The following RSAD2 variants were observed in gnomAD, a reference collection of about 807,000 sequenced individuals.
RSAD2 encodes the protein radical S-adenosyl methionine domain containing 2.
In RSAD2, 38 loss-of-function variants were observed where a neutral mutation model predicts 37.7. That is an observed-to-expected ratio of 1.01 (90% confidence interval 0.78 to 1.32). RSAD2 has a LOEUF of 1.32. Ranked by LOEUF, RSAD2 falls within the 40% of genes most tolerant of loss-of-function variation. The probability of loss-of-function intolerance (pLI) is 0.00; values close to 1 mark genes in which losing one functional copy is unlikely to be tolerated. For synonymous variants in RSAD2, 163 were observed against 157.4 expected (o/e 1.04, Z -0.27); for missense variants, 428 against 437.5 (o/e 0.98, Z 0.19).
At chr2:6,881,135 G>A (rs181382076) in intron 1 of RSAD2, among the ~76,000 whole-genome samples, 1 of 152,254 alleles carries the variant, frequency 6.6e-6, no homozygotes, top group East Asian at 1.9e-4. Context: ...CCACTGGCCA[G>A]GACCCTGTCT....
chr2:6,867,535 C>G (rs1489071470), intron 1 of RSAD2, among the ~76,000 whole-genome samples: 2 of 152,146 alleles, frequency 1.3e-5, no homozygotes, highest in Non-Finnish European at 2.9e-5. Flanking sequence ...GGGGCTAGGC[C>G]TGAGCATGAA....
At chr2:6,873,307 G>A (rs374557178), upstream of RSAD2, among the ~76,000 whole-genome samples, 6 of 152,106 alleles carry the variant, frequency 3.9e-5, no homozygotes, top group Admixed American at 6.6e-5. Context: ...CATGTTCAAC[G>A]TACTAGTTTT....
chr2:6,886,252 T>A (rs1663517611), intron 2 of RSAD2, among the ~76,000 whole-genome samples: 1 of 152,332 alleles, frequency 6.6e-6, no homozygotes, highest in East Asian at 1.9e-4. Context: ...GAAACTAGTG[T>A]GACAGAAACC....
At position 6,866,548 on chromosome 2, in the gene RSAD2, T is replaced by G. The variant is rs1302116470; in HGVS notation, c.142+503T>G. 4.7e-6 allele frequency: 4 copies of G among 857,880 alleles called. No homozygotes were observed. The African/African-American group carries it at 7.2e-5, about 16-fold the overall frequency. 53.1% of individuals were successfully genotyped at this position (857,880 alleles called of 1,614,324 possible). A position where few individuals can be genotyped will look rare whatever the true frequency, so the allele number is the denominator to read the frequency against. ...TTTCTTCCACCAAATTGAAGTTTCC[T>G]GCACTAAGGTGAAGTGTGTCAGGAT... On this transcript the variant is annotated intron_variant, in intron 1 of 5. Transcript: ENST00000442639.
upstream of RSAD2, among the ~76,000 whole-genome samples, chr2:6,874,050 G>A (rs2103236768): frequency 6.6e-6 from 1 of 152,312 alleles, no homozygotes; most frequent in Non-Finnish European, 1.5e-5. Context: ...GAATGGCTTA[G>A]TACTGTCAAC....
chr2:6,895,861 C>G lies in RSAD2; in HGVS notation c.1005C>G (p.Phe335Leu). The G allele has an allele frequency of 6.2e-7, 1 of 1,614,108 alleles. No individual in the cohort carries two copies. The highest frequency in any genetic ancestry group is 8.5e-7 in the Non-Finnish European group (1 of 1,179,980). The part of the protein sequence containing the change: ...LDVGVEEAIK[F>L]SGFDEKMFLK... ...TTGGTGTAGAAGAAGCTATAAAATT[C>G]AGTGGATTTGATGAAAAGATGTTTC... Residue 335 changes from phenylalanine to leucine, a missense_variant, in exon 6 of 6, where the codon TTC becomes TTG. Physicochemically the swap from Phe to Leu is conservative, Grantham distance 22 (BLOSUM62 0). Coordinates refer to ENST00000382040, the MANE Select transcript of RSAD2 (RefSeq NM_080657.5).
At chr2:6,875,578 G>A (rs1034501378), upstream of RSAD2, among the ~76,000 whole-genome samples, 1 of 152,064 alleles carries the variant, frequency 6.6e-6, no homozygotes, top group East Asian at 1.9e-4. Context: ...TTTTTCCTTT[G>A]GGCTTCCATA....
intron 2 of RSAD2, among the ~76,000 whole-genome samples, chr2:6,884,348 G>A (rs1242334207): frequency 2.0e-5 from 3 of 152,190 alleles, no homozygotes; most frequent in Non-Finnish European, 2.9e-5. Context: ...AAGAGTCAAG[G>A]TGTCAGATGC....
At chr2:6,875,303 C>T (rs1330374251), upstream of RSAD2, among the ~76,000 whole-genome samples, 1 of 152,198 alleles carries the variant, frequency 6.6e-6, no homozygotes, top group Non-Finnish European at 1.5e-5. Flanking sequence ...AGCCCTCTTC[C>T]CTCAAGCAAA....
chr2:6,868,013 A>G (rs1464606200), intron 1 of RSAD2, among the ~76,000 whole-genome samples: 2 of 152,222 alleles, frequency 1.3e-5, no homozygotes, highest in African/African-American at 4.8e-5. Context: ...TATATTGACT[A>G]AACATGCCTG....
intron 1 of RSAD2, among the ~76,000 whole-genome samples, chr2:6,882,147 C>G (rs550280853): frequency 6.6e-6 from 1 of 152,322 alleles, no homozygotes; most frequent in African/African-American, 2.4e-5. Context: ...CAGCCCCTCC[C>G]TTCATCACAG....
chr2:6,889,395 G>C (rs974625840), intron 3 of RSAD2, among the ~76,000 whole-genome samples: 9 of 152,194 alleles, frequency 5.9e-5, no homozygotes, highest in African/African-American at 1.9e-4. Flanking sequence ...GAAAAATAAA[G>C]AGTGAGCAAA....
exon 1 of RSAD2, chr2:6,865,978 C>T: frequency 1.1e-6 from 1 of 942,276 alleles, no homozygotes; most frequent in Non-Finnish European, 1.4e-6. Context: ...CTCCGCGGGC[C>T]TGCGCGGTCC....
At chr2:6,865,943 T>C (rs1572147749) in exon 1 of RSAD2, 1 of 1,314,480 alleles carries the variant, frequency 7.6e-7, no homozygotes, top group Non-Finnish European at 9.9e-7. Context: ...AGCAGACGCT[T>C]GGCCCCGGGG....
chr2:6,877,937 G>A lies in RSAD2; in HGVS notation c.137G>A (p.Arg46Lys), dbSNP rs140246763. 19 of 1,614,012 alleles carry A rather than the reference G, an allele frequency of 1.2e-5. No homozygotes were observed. Among genetic ancestry groups the A allele is most frequent in the Non-Finnish European group, 1.6e-5 (19 of 1,180,030 alleles). ...ACCTTCTGGCTGCTAGCTACCAAGAGGAGAAAGCAGCAGCTGGTCCTGAGA... is the reference window on the plus strand; with the variant it reads ...ACCTTCTGGCTGCTAGCTACCAAGAAGAGAAAGCAGCAGCTGGTCCTGAGA... ...RATFWLLATK[R>K]RKQQLVLRGP... The change falls in exon 1 of 6, where the codon AGG becomes AAG. Residue 46 changes from arginine to lysine, a missense_variant. Transcript: ENST00000382040.
intron 4 of RSAD2, 120 bp from the exon 5 acceptor site, chr2:6,893,551 A>G: frequency 3.7e-6 from 3 of 813,012 alleles, no homozygotes; most frequent in Non-Finnish European, 6.3e-6. Flanking sequence ...AAGGCAACTC[A>G]AGGGAAATGA....
intron 1 of RSAD2, among the ~76,000 whole-genome samples, chr2:6,866,820 A>AG (rs1158764455): frequency 4.0e-5 from 1 of 24,844 alleles, no homozygotes; most frequent in Non-Finnish European, 3.6e-4. Context: ...AGCTGAAAGC[A>AG]GTTTTTTTTT....
chr2:6,879,685 T>A (rs1427725041), intron 1 of RSAD2, among the ~76,000 whole-genome samples: 1 of 152,102 alleles, frequency 6.6e-6, no homozygotes, highest in Non-Finnish European at 1.5e-5. Context: ...TTTTTTTTTT[T>A]AATGTCTGGT....
chr2:6,871,631 G>T (rs76212176), intron 1 of RSAD2, among the ~76,000 whole-genome samples: 10 of 152,134 alleles, frequency 6.6e-5, no homozygotes, highest in Non-Finnish European at 1.2e-4. Flanking sequence ...AAACAAGGGG[G>T]TTTTACCCGA....
Sources: gnomAD v4.1 joint callset for allele counts (sites outside exome capture counted in the v4.1 genomes callset) on GRCh38, gnomAD v4.1.1 for gene constraint, MANE v1.5 for transcripts, NCBI Gene and HGNC (gene_info 2026-07-23, HGNC 2026-07-21) for gene names.